Variants in OR9Q1 observed in about 807,000 individuals in gnomAD.
OR9Q1 encodes the protein olfactory receptor 9Q1.
For synonymous variants in OR9Q1, 153 were observed against 148.6 expected (o/e 1.03, Z -0.22); for missense variants, 374 against 378.8 (o/e 0.99, Z 0.11).
At chr11:58,117,936 A>C (rs1336468254) in intron 2 of OR9Q1, 2 of 152,346 alleles carry the variant, frequency 1.3e-5, no homozygotes, top group Non-Finnish European at 2.9e-5. Flanking sequence ...AGCGGGTGAC[A>C]CAAGTCTCTT....
At chr11:58,116,935 G>A (rs1349140812) in intron 2 of OR9Q1, 4 of 152,126 alleles carry the variant, frequency 2.6e-5, no homozygotes, top group Non-Finnish European at 4.4e-5. Flanking sequence ...TGACTATGTG[G>A]GATATAGATA....
intron 2 of OR9Q1, among the ~76,000 whole-genome samples, chr11:58,094,664 C>G (rs1490036532): frequency 6.6e-6 from 1 of 152,178 alleles, no homozygotes; most frequent in Non-Finnish European, 1.5e-5. Flanking sequence ...CACCATTTCA[C>G]TGTGTCCAAA....
At chr11:58,117,602 T>A (rs1853969432) in intron 2 of OR9Q1, 1 of 152,272 alleles carries the variant, frequency 6.6e-6, no homozygotes, top group African/African-American at 2.4e-5. Context: ...CACCAGATCT[T>A]CATTAGAGAA....
At chr11:58,103,787 A>G (rs1039129171) in intron 2 of OR9Q1, among the ~76,000 whole-genome samples, 6 of 152,198 alleles carry the variant, frequency 3.9e-5, no homozygotes, top group Admixed American at 3.3e-4. Flanking sequence ...TAGGATGTCA[A>G]TTGGGCAGAG....
intron 2 of OR9Q1, among the ~76,000 whole-genome samples, chr11:58,060,617 G>A (rs1047331016): frequency 2.0e-5 from 3 of 152,116 alleles, no homozygotes; most frequent in Non-Finnish European, 2.9e-5. Flanking sequence ...AATATTTCAG[G>A]AGCTATGGTC....
chr11:58,121,389 C>T (rs1234550400), intron 2 of OR9Q1, among the ~76,000 whole-genome samples: 2 of 152,064 alleles, frequency 1.3e-5, no homozygotes, highest in Non-Finnish European at 2.9e-5. Context: ...GTTCCCATCT[C>T]TTTTTTTTCC....
At chr11:58,174,553 A>G (rs1056540984) in intron 2 of OR9Q1, among the ~76,000 whole-genome samples, 1 of 151,670 alleles carries the variant, frequency 6.6e-6, no homozygotes, top group Non-Finnish European at 1.5e-5. Flanking sequence ...GGATATTATC[A>G]TACTAAAATC....
intron 1 of OR9Q1, among the ~76,000 whole-genome samples, chr11:58,046,192 G>T (rs968933487): frequency 2.0e-5 from 3 of 152,138 alleles, no homozygotes; most frequent in African/African-American, 7.2e-5. Flanking sequence ...AACAGGTGGG[G>T]TCAGCCCCTT....
intron 2 of OR9Q1, among the ~76,000 whole-genome samples, chr11:58,080,107 C>T (rs1017531951): frequency 1.3e-5 from 2 of 152,086 alleles, no homozygotes; most frequent in African/African-American, 4.8e-5. Context: ...GTGAGCATAG[C>T]ACCCAATAGG....
At chr11:58,088,607 G>A (rs946207365) in intron 2 of OR9Q1, among the ~76,000 whole-genome samples, 6 of 151,874 alleles carry the variant, frequency 4.0e-5, no homozygotes, top group African/African-American at 1.5e-4. Flanking sequence ...TTTGTTGGCC[G>A]CATAAGTGTC....
intron 1 of OR9Q1, among the ~76,000 whole-genome samples, chr11:58,053,729 G>T (rs969254333): frequency 7.4e-6 from 1 of 135,832 alleles, no homozygotes; most frequent in East Asian, 2.0e-4. Context: ...TATCTTTTCA[G>T]TGTATTCTAA....
At chr11:58,066,306 G>T (rs1327023406) in intron 2 of OR9Q1, among the ~76,000 whole-genome samples, 2 of 152,114 alleles carry the variant, frequency 1.3e-5, no homozygotes, top group East Asian at 1.9e-4. Flanking sequence ...GGTAGCTGGG[G>T]GTCCAGATAG....
At chr11:58,177,988 G>A (rs1050143494) in intron 2 of OR9Q1, among the ~76,000 whole-genome samples, 1 of 152,162 alleles carries the variant, frequency 6.6e-6, no homozygotes, top group African/African-American at 2.4e-5. Flanking sequence ...GGCAGAAGGG[G>A]TTTGTCCTGT....
chr11:58,118,922 T>G (rs1242504766), intron 2 of OR9Q1: 2 of 1,613,706 alleles, frequency 1.2e-6, no homozygotes, highest in African/African-American at 2.7e-5. Flanking sequence ...AAGAAGAAGT[T>G]TATTTGATTG....
intron 2 of OR9Q1, among the ~76,000 whole-genome samples, chr11:58,129,302 G>C (rs1200267726): frequency 1.3e-5 from 2 of 150,602 alleles, no homozygotes. Context: ...TACCTCTCCT[G>C]GTGTCCCTCA....
chr11:58,092,295 T>A (rs899987390), intron 2 of OR9Q1, among the ~76,000 whole-genome samples: 4 of 149,520 alleles, frequency 2.7e-5, no homozygotes, highest in African/African-American at 9.8e-5. Flanking sequence ...CTTTCCACAT[T>A]TAGTGCTTTT....
intron 2 of OR9Q1, among the ~76,000 whole-genome samples, chr11:58,143,677 A>G (rs1466678524): frequency 6.6e-6 from 1 of 152,078 alleles, no homozygotes; most frequent in Non-Finnish European, 1.5e-5. Context: ...AGGGAGGGAA[A>G]CAACACATAC....
chr11:58,034,164 C>T (rs1360596937), intron 1 of OR9Q1, among the ~76,000 whole-genome samples: 1 of 144,090 alleles, frequency 6.9e-6, no homozygotes, highest in Non-Finnish European at 1.5e-5. Context: ...CGGCTCACTG[C>T]AAGCTCCGCC....
intron 1 of OR9Q1, chr11:58,031,127 A>G (rs978899424): frequency 3.1e-6 from 5 of 1,614,146 alleles, no homozygotes; most frequent in Non-Finnish European, 4.2e-6. Flanking sequence ...CCGACTACGG[A>G]GACCCATGTA....
Sources: allele counts gnomAD v4.1 joint callset (sites outside exome capture counted in the v4.1 genomes callset), GRCh38; gene constraint gnomAD v4.1.1; transcripts MANE v1.5; gene names NCBI Gene and HGNC (gene_info 2026-07-23, HGNC 2026-07-21).